The following PLCB1 variants were observed in gnomAD, a reference collection of about 807,000 sequenced individuals.
PLCB1 encodes 1-phosphatidylinositol 4,5-bisphosphate phosphodiesterase beta-1.
Under a neutral mutation model 161.8 loss-of-function variants are expected in PLCB1, and 46 were observed. The observed-to-expected ratio is 0.28, with a 90% CI of 0.22 to 0.36. The LOEUF (loss-of-function observed/expected upper bound fraction) is 0.36, where lower values mean the gene tolerates loss of function less well. PLCB1 is among the 10% of genes least tolerant of loss of function. The pLI, the probability that PLCB1 is intolerant of heterozygous loss-of-function variation, is 1.00. For missense variants in PLCB1, 1,016 were observed against 1,472.5 expected (o/e 0.69, Z 5.07); for synonymous variants, 517 against 503.7 (o/e 1.03, Z -0.35).
intron 18 of PLCB1, among the ~76,000 whole-genome samples, chr20:8,730,862 A>C (rs1197487551): frequency 6.6e-6 from 1 of 151,630 alleles, no homozygotes; most frequent in Admixed American, 6.6e-5. Flanking sequence ...GTTTCTGGAT[A>C]TTTATATTTG....
chr20:8,421,202 A>C (rs1363058653), intron 3 of PLCB1, among the ~76,000 whole-genome samples: 1 of 152,182 alleles, frequency 6.6e-6, no homozygotes, highest in Non-Finnish European at 1.5e-5. Context: ...TATGTGACAA[A>C]GTTTTGTATG....
chr20:8,246,413 A>T (rs931595774), intron 2 of PLCB1, among the ~76,000 whole-genome samples: 1 of 151,972 alleles, frequency 6.6e-6, no homozygotes, highest in African/African-American at 2.4e-5. Flanking sequence ...TTTCAGGCTT[A>T]TGCACATGTA....
intron 3 of PLCB1, among the ~76,000 whole-genome samples, chr20:8,515,366 G>C (rs1327408434): frequency 6.6e-6 from 1 of 152,092 alleles, no homozygotes; most frequent in Non-Finnish European, 1.5e-5. Flanking sequence ...ATATACTCAG[G>C]TTGCATACAA....
At chr20:8,578,579 C>G (rs114480682) in intron 3 of PLCB1, among the ~76,000 whole-genome samples, 2,064 of 152,280 alleles carry the variant, frequency 0.014, 39 homozygotes, top group African/African-American at 0.047. Flanking sequence ...ATAGTCCTAA[C>G]CAATACTGTT....
intron 31 of PLCB1, among the ~76,000 whole-genome samples, chr20:8,795,750 T>C (rs1967680): frequency 0.69 from 104,521 of 151,710 alleles, 36,227 homozygotes; most frequent in Non-Finnish European, 0.72. Context: ...TGGTGGGCGC[T>C]GGTAGTCCCG....
intron 2 of PLCB1, among the ~76,000 whole-genome samples, chr20:8,299,541 C>A (rs1983799827): frequency 6.6e-6 from 1 of 152,186 alleles, no homozygotes; most frequent in African/African-American, 2.4e-5. Context: ...GTCACTGTTT[C>A]TTCCATATGC....
At chr20:8,242,504 G>T (rs960469870) in intron 2 of PLCB1, among the ~76,000 whole-genome samples, 1 of 151,946 alleles carries the variant, frequency 6.6e-6, no homozygotes, top group East Asian at 1.9e-4. Flanking sequence ...GCAAAACCAG[G>T]CACCTGATCC....
At chr20:8,830,102 T>C (rs1376008488) in intron 31 of PLCB1, among the ~76,000 whole-genome samples, 1 of 152,228 alleles carries the variant, frequency 6.6e-6, no homozygotes, top group Admixed American at 6.5e-5. Context: ...CTGCGTATCG[T>C]TTCCAGAGGA....
chr20:8,530,635 A>G (rs1600131625), intron 3 of PLCB1, among the ~76,000 whole-genome samples: 1 of 152,144 alleles, frequency 6.6e-6, no homozygotes. Context: ...GAATGCCCAC[A>G]TGTACTTCGA....
chr20:8,304,133 A>G (rs1408247747), intron 2 of PLCB1, among the ~76,000 whole-genome samples: 1 of 152,212 alleles, frequency 6.6e-6, no homozygotes, highest in Non-Finnish European at 1.5e-5. Flanking sequence ...ATGGGGACCA[A>G]ATCTGATGGA....
intron 1 of PLCB1, 29 bp from the exon 2 acceptor site, chr20:8,150,265 G>A (rs772195051): frequency 1.0e-6 from 1 of 973,944 alleles, no homozygotes; most frequent in South Asian, 1.4e-5. Flanking sequence ...GATATATGTT[G>A]ATATTCATGT....
At chr20:8,268,846 A>G (rs77924075) in intron 2 of PLCB1, among the ~76,000 whole-genome samples, 1 of 151,524 alleles carries the variant, frequency 6.6e-6, no homozygotes, top group East Asian at 1.9e-4. Context: ...TATTTTTTTT[A>G]AATTCTCAAT....
At chr20:8,671,252 A>G (rs956388054) in intron 9 of PLCB1, among the ~76,000 whole-genome samples, 4 of 152,162 alleles carry the variant, frequency 2.6e-5, no homozygotes, top group African/African-American at 9.7e-5. Context: ...AGAGCTCTGA[A>G]GATGTTATTT....
chr20:8,237,248 A>G (rs1980373541), intron 2 of PLCB1, among the ~76,000 whole-genome samples: 1 of 152,134 alleles, frequency 6.6e-6, no homozygotes, highest in Non-Finnish European at 1.5e-5. Flanking sequence ...TTAAATAATC[A>G]TAATATATGT....
chr20:8,688,258 T>A (rs1367728471), intron 10 of PLCB1, among the ~76,000 whole-genome samples: 2 of 152,232 alleles, frequency 1.3e-5, no homozygotes, highest in Non-Finnish European at 2.9e-5. Flanking sequence ...ATGTATAGAT[T>A]GTGAATATTT....
intron 3 of PLCB1, among the ~76,000 whole-genome samples, chr20:8,589,186 A>T (rs1363807139): frequency 3.6e-5 from 5 of 137,246 alleles, no homozygotes; most frequent in Non-Finnish European, 7.8e-5. Flanking sequence ...GAACGAAGAC[A>T]TGAACAATGT....
chr20:8,817,639 A>T (rs1170262031), intron 31 of PLCB1, among the ~76,000 whole-genome samples: 2 of 152,238 alleles, frequency 1.3e-5, no homozygotes, highest in East Asian at 3.8e-4. Flanking sequence ...AGTTTGTTTA[A>T]AAAGGAACCC....
chr20:8,621,658 T>G (rs893105568), intron 3 of PLCB1, among the ~76,000 whole-genome samples: 1 of 152,176 alleles, frequency 6.6e-6, no homozygotes, highest in Non-Finnish European at 1.5e-5. Context: ...CTTGAATGAG[T>G]GCTATTTAAG....
rs1228612890 is a variant in PLCB1 at position 8,722,374 on chromosome 20, G to C, written c.1534G>C (p.Asp512His). 3.7e-6 allele frequency: 6 copies of C among 1,611,388 alleles called. No homozygotes were observed. The highest frequency in any genetic ancestry group is 5.1e-6 in the Non-Finnish European group (6 of 1,178,874). Residue 512 changes from aspartate to histidine, a missense_variant, in exon 15 of 32, where the codon GAC becomes CAC. By Grantham distance (81) the Asp-to-His change is moderately conservative. Transcript: ENST00000338037. ...PGAGEADTESDDDDDDDDCKK... is the reference protein window; with the variant it reads ...PGAGEADTESHDDDDDDDCKK... ...GACAGGAGAAGCTGATACGGAAAGT[G>C]ACGACGACGATGATGATGATGACTG...
Sources: allele counts gnomAD v4.1 joint callset (sites outside exome capture counted in the v4.1 genomes callset), GRCh38; gene constraint gnomAD v4.1.1; transcripts MANE v1.5; gene names NCBI Gene and HGNC (gene_info 2026-07-23, HGNC 2026-07-21).